The following HIPK2 variants were observed in gnomAD, a reference collection of about 807,000 sequenced individuals.
HIPK2 encodes homeodomain interacting protein kinase 2.
HIPK2 carries 27 observed loss-of-function variants against 113.7 expected under a neutral mutation model. That is an observed-to-expected ratio of 0.24 (90% CI 0.17 to 0.33). The LOEUF is 0.33. Among genes scored for constraint, HIPK2 ranks in the 10% least tolerant of loss-of-function variants. The probability of loss-of-function intolerance (pLI) is 1.00; values close to 1 mark genes in which losing one functional copy is unlikely to be tolerated. For missense variants in HIPK2, 1,257 were observed against 1,588.0 expected, an observed-to-expected ratio of 0.79 and a Z score of 3.54; for synonymous variants, 631 against 642.2, an observed-to-expected ratio of 0.98 and a Z score of 0.26.
intron 13 of HIPK2, among the ~76,000 whole-genome samples, chr7:139,578,923 C>T (rs1220423412): frequency 6.6e-6 from 1 of 152,240 alleles, no homozygotes; most frequent in African/African-American, 2.4e-5. Context: ...CTGCCCCACC[C>T]TTGGCCTCCC....
chr7:139,648,861 T>C (rs1024893586), intron 2 of HIPK2, among the ~76,000 whole-genome samples: 4 of 151,952 alleles, frequency 2.6e-5, no homozygotes, highest in Admixed American at 2.6e-4. Flanking sequence ...TATTTACCAT[T>C]AATACTAGGA....
intron 2 of HIPK2, among the ~76,000 whole-genome samples, chr7:139,684,716 A>G (rs544893104): frequency 6.6e-6 from 1 of 152,226 alleles, no homozygotes. Flanking sequence ...GACTGTCTTA[A>G]TAACATAAAA....
intron 2 of HIPK2, among the ~76,000 whole-genome samples, chr7:139,707,106 G>A (rs1794923500): frequency 6.6e-6 from 1 of 152,236 alleles, no homozygotes; most frequent in Non-Finnish European, 1.5e-5. Context: ...CTCCTCAGAG[G>A]TGGGACGGAG....
At chr7:139,620,616 G>A in intron 6 of HIPK2, 53 bp from the exon 7 acceptor site, 2 of 1,596,144 alleles carry the variant, frequency 1.3e-6, no homozygotes, top group Non-Finnish European at 8.6e-7. Context: ...GGGGAAGAGG[G>A]TAACGTGGGA....
At chr7:139,627,339 C>T (rs6975091) in intron 5 of HIPK2, among the ~76,000 whole-genome samples, 37,432 of 131,020 alleles carry the variant, frequency 0.29, 6,291 homozygotes, top group African/African-American at 0.53. Context: ...TGTATGTATG[C>T]ATGTATTTAA....
chr7:139,653,801 C>T (rs374729785), intron 2 of HIPK2, among the ~76,000 whole-genome samples: 80 of 151,868 alleles, frequency 5.3e-4, no homozygotes, highest in East Asian at 4.9e-3. Context: ...GGCATGATCT[C>T]GGCTCACTGC....
chr7:139,691,050 G>C (rs1463978156), intron 2 of HIPK2, among the ~76,000 whole-genome samples: 2 of 152,122 alleles, frequency 1.3e-5, no homozygotes, highest in East Asian at 3.9e-4. Context: ...TAAAAAACAG[G>C]AATCTGTAAT....
chr7:139,590,580 G>A (rs1442213044), intron 12 of HIPK2, among the ~76,000 whole-genome samples: 2 of 152,170 alleles, frequency 1.3e-5, no homozygotes, highest in East Asian at 3.9e-4. Flanking sequence ...CTATTACTAT[G>A]ATGCTGATTA....
At chr7:139,648,544 T>A (rs1801326290) in intron 2 of HIPK2, among the ~76,000 whole-genome samples, 1 of 152,128 alleles carries the variant, frequency 6.6e-6, no homozygotes, top group Non-Finnish European at 1.5e-5. Context: ...TGTTACTTTA[T>A]CCCCCCGGGA....
intron 13 of HIPK2, among the ~76,000 whole-genome samples, chr7:139,575,741 T>C (rs148282191): frequency 2.0e-5 from 3 of 152,386 alleles, no homozygotes; most frequent in Admixed American, 2.0e-4. Flanking sequence ...TGTTAGGTCC[T>C]GAGGGCAGAG....
chr7:139,723,054 T>G (rs1037238687), intron 1 of HIPK2, among the ~76,000 whole-genome samples: 1 of 151,998 alleles, frequency 6.6e-6, no homozygotes, highest in Non-Finnish European at 1.5e-5. Context: ...TCTATGCACC[T>G]TTTGGTTTCT....
intron 1 of HIPK2, among the ~76,000 whole-genome samples, chr7:139,769,285 TG>T (rs1796609774): frequency 1.3e-5 from 2 of 150,180 alleles, no homozygotes; most frequent in Admixed American, 1.3e-4. Context: ...CCTCCCAGCA[TG>T]GCCCACCTCC....
intron 2 of HIPK2, among the ~76,000 whole-genome samples, chr7:139,650,245 G>A (rs940722136): frequency 2.7e-5 from 4 of 150,748 alleles, no homozygotes; most frequent in African/African-American, 9.7e-5. Flanking sequence ...AGCTACTTAG[G>A]AAGCTGAGGC....
At chr7:139,668,328 G>A (rs1269012619) in intron 2 of HIPK2, among the ~76,000 whole-genome samples, 5 of 152,072 alleles carry the variant, frequency 3.3e-5, no homozygotes, top group Non-Finnish European at 5.9e-5. Flanking sequence ...TTGGGAGGCC[G>A]AGGTGGGTGG....
At chr7:139,651,547 T>C (rs923782495) in intron 2 of HIPK2, among the ~76,000 whole-genome samples, 2 of 152,158 alleles carry the variant, frequency 1.3e-5, no homozygotes, top group Non-Finnish European at 2.9e-5. Flanking sequence ...ACCTTAGTCA[T>C]TACCAGCTCA....
At chr7:139,595,675 T>C (rs1196560644) in intron 12 of HIPK2, among the ~76,000 whole-genome samples, 3 of 152,150 alleles carry the variant, frequency 2.0e-5, no homozygotes, top group African/African-American at 7.2e-5. Context: ...GACTTCATTA[T>C]AAAGAGGGAA....
intron 6 of HIPK2, among the ~76,000 whole-genome samples, chr7:139,621,925 G>GAAAA (rs34446527): frequency 5.3e-5 from 4 of 75,582 alleles, no homozygotes; most frequent in African/African-American, 1.2e-4. Context: ...CCTGTCTCAG[G>GAAAA]AAAAAAAAAA....
chr7:139,596,676 TC>T, intron 12 of HIPK2, 40 bp downstream of exon 12: 1 of 1,597,254 alleles, frequency 6.3e-7, no homozygotes, highest in Non-Finnish European at 8.6e-7. Context: ...ATGCAAACCC[TC>T]CCGGCTCCTT....
intron 2 of HIPK2, among the ~76,000 whole-genome samples, chr7:139,645,314 G>A (rs1445388567): frequency 6.6e-6 from 1 of 152,200 alleles, no homozygotes. Flanking sequence ...TTCTTTGAAA[G>A]GGAGATACAT....
Sources: allele counts gnomAD v4.1 joint callset (sites outside exome capture counted in the v4.1 genomes callset), GRCh38; gene constraint gnomAD v4.1.1; transcripts MANE v1.5; gene names NCBI Gene and HGNC (gene_info 2026-07-23, HGNC 2026-07-21).